Variants in SPSB1 observed in about 807,000 individuals in gnomAD.
SPSB1 encodes the protein splA/ryanodine receptor domain and SOCS box containing 1.
A neutral mutation model predicts 21.2 loss-of-function variants in SPSB1; 8 were observed. The observed-to-expected ratio is 0.38, with a 90% CI of 0.22 to 0.68. SPSB1 has a LOEUF of 0.68. Ranked by LOEUF, SPSB1 falls within the 30% of genes least tolerant of loss-of-function variation. The probability of loss-of-function intolerance (pLI) is 0.53; values close to 1 mark genes in which losing one functional copy is unlikely to be tolerated. For missense variants in SPSB1, 242 were observed against 377.8 expected (o/e 0.64, Z 2.98); for synonymous variants, 169 against 161.7 (o/e 1.05, Z -0.34).
intron 2 of SPSB1, among the ~76,000 whole-genome samples, chr1:9,358,589 C>A (rs1171034442): frequency 6.6e-6 from 1 of 152,202 alleles, no homozygotes; most frequent in Non-Finnish European, 1.5e-5. Context: ...GAGCCCTGAC[C>A]CTCAGCCCTG....
intron 1 of SPSB1, among the ~76,000 whole-genome samples, chr1:9,337,702 C>T (rs749954372): frequency 3.9e-5 from 6 of 152,156 alleles, no homozygotes; most frequent in African/African-American, 9.7e-5. Flanking sequence ...CCCTGGCCAC[C>T]GGGGCCCTGA....
chr1:9,356,701 A>G lies in SPSB1; in HGVS notation c.694+116A>G. On this transcript the variant is annotated intron_variant, in intron 2 of 2. Coordinates refer to ENST00000328089, the MANE Select transcript of SPSB1 (RefSeq NM_025106.4). The surrounding 1 kb of genome is among the most constrained non-coding windows in gnomAD (Gnocchi z 7.4). ...TAGAGTGTTTTGAAGACGATATTCCAGTGTATTCAGACCCTCAGAGGCAAC... is the reference window on the plus strand; with the variant it reads ...TAGAGTGTTTTGAAGACGATATTCCGGTGTATTCAGACCCTCAGAGGCAAC... The G allele has an allele frequency of 6.9e-7, 1 of 1,447,274 alleles. No individual in the cohort carries two copies. Among genetic ancestry groups the G allele is most frequent in the Non-Finnish European group, 9.1e-7 (1 of 1,101,796 alleles). The allele number at this position is 1,447,274 out of a possible 1,614,324, so 89.7% of individuals were successfully genotyped here.
chr1:9,328,648 T>G (rs1639864582), intron 1 of SPSB1, among the ~76,000 whole-genome samples: 1 of 152,200 alleles, frequency 6.6e-6, no homozygotes, highest in Non-Finnish European at 1.5e-5. Flanking sequence ...TGCCTCCCTC[T>G]GGCCTGGGAG....
intron 1 of SPSB1, among the ~76,000 whole-genome samples, chr1:9,327,324 C>T (rs1557454050): frequency 1.3e-5 from 2 of 152,268 alleles, no homozygotes; most frequent in Middle Eastern, 3.4e-3. Context: ...GTGAGTAGCA[C>T]GTATGCATGG....
intron 1 of SPSB1, among the ~76,000 whole-genome samples, chr1:9,355,383 C>CA (rs1243937372): frequency 6.6e-6 from 1 of 152,270 alleles, no homozygotes; most frequent in Non-Finnish European, 1.5e-5. Context: ...TGCCCACTGT[C>CA]ATGGCTGAGT....
chr1:9,329,719 AAAAG>A (rs1302530088), intron 1 of SPSB1, among the ~76,000 whole-genome samples: 10 of 151,208 alleles, frequency 6.6e-5, no homozygotes, highest in Non-Finnish European at 1.5e-4. Flanking sequence ...AAAAAAAAAA[AAAAG>A]AGAAAAGAAA....
chr1:9,348,120 T>A lies in SPSB1; in HGVS notation c.-149-7623T>A, dbSNP rs1224072450. 4.6e-5 allele frequency among the ~76,000 whole-genome samples: 7 copies of A among 151,904 alleles called. No homozygotes were observed. Among genetic ancestry groups the A allele is most frequent in the Admixed American group, 6.6e-5 (1 of 15,252 alleles). On this transcript the variant is annotated intron_variant, in intron 1 of 2. Coordinates refer to ENST00000328089, the MANE Select transcript of SPSB1 (RefSeq NM_025106.4). This position sits in a 1 kb window ranked among gnomAD's most constrained non-coding sequence, Gnocchi z 4.8. ...CCACCACGCCCAGCTTATTTTTGTA[T>A]TTTTAGTAGAGATGGGGTTTCACTA...
intron 1 of SPSB1, among the ~76,000 whole-genome samples, chr1:9,311,741 G>A (rs1408404203): frequency 6.6e-6 from 1 of 152,028 alleles, no homozygotes; most frequent in Non-Finnish European, 1.5e-5. Flanking sequence ...AGTGGTAGAC[G>A]TGAAACGTGG....
At chr1:9,337,146 G>A (rs1265320479) in intron 1 of SPSB1, among the ~76,000 whole-genome samples, 1 of 152,068 alleles carries the variant, frequency 6.6e-6, no homozygotes, top group Non-Finnish European at 1.5e-5. Flanking sequence ...GAGGGGAAGG[G>A]GTGCTTTCTG....
rs1321888662 is a variant in SPSB1 at position 9,356,618 on chromosome 1, C to T, written c.694+33C>T. On this transcript the variant is annotated intron_variant, in intron 2 of 2. Transcript: ENST00000328089. This position sits in a 1 kb window ranked among gnomAD's most constrained non-coding sequence, Gnocchi z 7.4. Reference sequence around the variant, plus strand: ...TCTCCTCTGCTGTCAGAGGCAATGCCCTCCCTCAGTCCCCATGGTCCTGGC... The same window carrying T: ...TCTCCTCTGCTGTCAGAGGCAATGCTCTCCCTCAGTCCCCATGGTCCTGGC... 1.9e-6 allele frequency: 3 copies of T among 1,556,864 alleles called. No homozygotes were observed. Among genetic ancestry groups the T allele is most frequent in the Non-Finnish European group, 2.6e-6 (3 of 1,148,672 alleles).
At chr1:9,338,981 C>T (rs1371746754) in intron 1 of SPSB1, among the ~76,000 whole-genome samples, 1 of 152,160 alleles carries the variant, frequency 6.6e-6, no homozygotes, top group African/African-American at 2.4e-5. Flanking sequence ...CAGTGAGGAT[C>T]GAGTCTGGGC....
intron 2 of SPSB1, among the ~76,000 whole-genome samples, chr1:9,362,278 C>T (rs75928355): frequency 1.1e-4 from 16 of 151,972 alleles, no homozygotes; most frequent in East Asian, 2.0e-4. Context: ...ATATGAGGAC[C>T]GCAGGCTCTC....
At chr1:9,333,050 G>A (rs545804093) in intron 1 of SPSB1, among the ~76,000 whole-genome samples, 2 of 152,216 alleles carry the variant, frequency 1.3e-5, no homozygotes, top group Non-Finnish European at 2.9e-5. Flanking sequence ...CGTGGGCTGC[G>A]TCAGGCACCC....
Position 9,345,563 on chromosome 1 carries a change from C to T in SPSB1, c.-149-10180C>T, listed in dbSNP as rs1369981387. On this transcript the variant is annotated intron_variant, in intron 1 of 2. Coordinates refer to ENST00000328089, the MANE Select transcript of SPSB1 (RefSeq NM_025106.4). This position sits in a 1 kb window ranked among gnomAD's most constrained non-coding sequence, Gnocchi z 4.8. The stretch of plus-strand genomic sequence containing the variant: ...CTTCTCGTCTGCATCAGGCACAGTC[C>T]GTTGTCCTCGCCACCCTGACTAAGC... Among the ~76,000 whole-genome samples, 2 of 152,176 alleles carry T rather than the reference C, an allele frequency of 1.3e-5. No individual in the cohort carries two copies. The highest frequency in any genetic ancestry group is 2.4e-5 in the African/African-American group (1 of 41,432).
chr1:9,360,180 G>A (rs78666899), intron 2 of SPSB1, among the ~76,000 whole-genome samples: 15,148 of 151,280 alleles, frequency 0.1, 1,019 homozygotes, highest in East Asian at 0.27. Context: ...GAAGAGGGCT[G>A]AGGCTGAGCC....
At chr1:9,339,606 C>CA (rs1162597751) in intron 1 of SPSB1, among the ~76,000 whole-genome samples, 1 of 152,118 alleles carries the variant, frequency 6.6e-6, no homozygotes, top group Non-Finnish European at 1.5e-5. Flanking sequence ...CTGGTGTGGC[C>CA]ACTGGTGTCT....
chr1:9,358,582 C>T (rs1640415125), intron 2 of SPSB1, among the ~76,000 whole-genome samples: 1 of 152,194 alleles, frequency 6.6e-6, no homozygotes, highest in African/African-American at 2.4e-5. Context: ...TCTTGAGGAG[C>T]CCTGACCCTC....
intron 1 of SPSB1, among the ~76,000 whole-genome samples, chr1:9,329,489 G>T (rs934853285): frequency 6.6e-6 from 1 of 152,052 alleles, no homozygotes; most frequent in African/African-American, 2.4e-5. Context: ...CCCATCAGAA[G>T]TTAGTGCTGG....
intron 1 of SPSB1, among the ~76,000 whole-genome samples, chr1:9,296,771 C>T (rs181479899): frequency 1.5e-4 from 23 of 152,338 alleles, no homozygotes; most frequent in Admixed American, 1.1e-3. Flanking sequence ...GGGAGATGTA[C>T]GTCCTTTCTG....
Sources: gnomAD v4.1 joint callset for allele counts (sites outside exome capture counted in the v4.1 genomes callset) on GRCh38, gnomAD v4.1.1 for gene constraint, Gnocchi (gnomAD v3.1) non-coding constraint, MANE v1.5 for transcripts, NCBI Gene and HGNC (gene_info 2026-07-23, HGNC 2026-07-21) for gene names.